PPFIBP1: variants seen among roughly 807,000 people sequenced by gnomAD.
PPFIBP1 encodes PPFIB scaffold protein 1, also known as liprin-beta-1.
A neutral mutation model predicts 137.8 loss-of-function variants in PPFIBP1; 112 were observed. The ratio of observed to expected loss-of-function variants is 0.81; its 90% CI spans 0.70 to 0.95. PPFIBP1 has a LOEUF of 0.95. Ranked by LOEUF, PPFIBP1 falls within the 40% of genes least tolerant of loss-of-function variation. The pLI is 0.00. For synonymous variants in PPFIBP1, 378 were observed against 417.3 expected, an observed-to-expected ratio of 0.91 and a Z score of 1.15; for missense variants, 1,083 against 1,196.6, an observed-to-expected ratio of 0.91 and a Z score of 1.40.
At chr12:27,664,625 A>G (rs1395045586) in intron 12 of PPFIBP1, among the ~76,000 whole-genome samples, 179 bp downstream of exon 12, 2 of 148,658 alleles carry the variant, frequency 1.3e-5, no homozygotes, top group East Asian at 4.3e-4. Flanking sequence ...CTGAGGAGTG[A>G]GTGTACTGTA....
At chr12:27,554,915 C>G (rs1340950672) in intron 1 of PPFIBP1, among the ~76,000 whole-genome samples, 1 of 151,788 alleles carries the variant, frequency 6.6e-6, no homozygotes, top group East Asian at 1.9e-4. Flanking sequence ...GCTGTGATGT[C>G]CTAGGAAGTT....
chr12:27,682,663 A>G lies in PPFIBP1; in HGVS notation c.2207A>G (p.Glu736Gly). Residue 736 changes from glutamate (E) to glycine (G), a missense_variant, in exon 24 of 30, where the codon GAA becomes GGA. By Grantham distance (98) the Glu-to-Gly change is moderately conservative. Coordinates refer to ENST00000228425, the MANE Select transcript of PPFIBP1 (RefSeq NM_003622.4). ...GLPQYKTQFD[E>G]GRVDGRMLHY... ...CCTCAATATAAGACCCAGTTTGATG[A>G]AGGACGGGTTGATGGTCGAATGCTA... The G allele has an allele frequency of 6.2e-7, 1 of 1,614,164 alleles. No homozygotes were observed. The highest frequency in any genetic ancestry group is 8.5e-7 in the Non-Finnish European group (1 of 1,180,014).
At chr12:27,627,747 T>TTTG (rs1376694175) in intron 2 of PPFIBP1, among the ~76,000 whole-genome samples, 4 of 152,014 alleles carry the variant, frequency 2.6e-5, no homozygotes, top group African/African-American at 4.8e-5. Flanking sequence ...TTTTACCCCA[T>TTTG]TCAAATCTGC....
At chr12:27,649,097 AC>A (rs2058719408) in intron 6 of PPFIBP1, among the ~76,000 whole-genome samples, 1 of 152,214 alleles carries the variant, frequency 6.6e-6, no homozygotes, top group African/African-American at 2.4e-5. Context: ...CAAAACATAT[AC>A]CCCATAAATG....
intron 2 of PPFIBP1, among the ~76,000 whole-genome samples, chr12:27,586,387 A>G (rs1413264351): frequency 6.6e-6 from 1 of 152,190 alleles, no homozygotes; most frequent in Admixed American, 6.5e-5. Flanking sequence ...TAAGAGATGC[A>G]TGCTTAAAAA....
chr12:27,658,670 C>A, intron 9 of PPFIBP1, 146 bp from the exon 10 acceptor site: 1 of 757,166 alleles, frequency 1.3e-6, no homozygotes, highest in Non-Finnish European at 2.2e-6. Flanking sequence ...ACCAATCCTG[C>A]AGTCACAAAA....
chr12:27,615,718 A>ATAAC (rs995136319), intron 2 of PPFIBP1, among the ~76,000 whole-genome samples: 31 of 152,226 alleles, frequency 2.0e-4, no homozygotes, highest in Non-Finnish European at 4.3e-4. Flanking sequence ...GTAACATCTC[A>ATAAC]TAACTCCCAG....
intron 10 of PPFIBP1, among the ~76,000 whole-genome samples, chr12:27,659,933 A>G (rs1205703308): frequency 1.3e-5 from 2 of 152,120 alleles, no homozygotes; most frequent in Non-Finnish European, 2.9e-5. Context: ...ACAGAGGAAG[A>G]TGCTGTCTCT....
At chr12:27,660,545 C>G (rs1386547982) in intron 10 of PPFIBP1, among the ~76,000 whole-genome samples, 1 of 152,120 alleles carries the variant, frequency 6.6e-6, no homozygotes, top group Admixed American at 6.5e-5. Flanking sequence ...TTTATAGATT[C>G]CTGTTTTAGA....
chr12:27,562,720 A>G (rs1441982047), intron 1 of PPFIBP1, among the ~76,000 whole-genome samples: 1 of 152,146 alleles, frequency 6.6e-6, no homozygotes. Context: ...ACTGGGTTTA[A>G]TTCTGATTCT....
intron 2 of PPFIBP1, among the ~76,000 whole-genome samples, chr12:27,605,991 G>C (rs138413968): frequency 1.3e-5 from 2 of 152,196 alleles, no homozygotes; most frequent in Admixed American, 1.3e-4. Flanking sequence ...CTTCATGGGG[G>C]TGTGGGTGTA....
chr12:27,631,850 G>A (rs964761695), intron 2 of PPFIBP1, among the ~76,000 whole-genome samples: 1 of 152,142 alleles, frequency 6.6e-6, no homozygotes, highest in Non-Finnish European at 1.5e-5. Context: ...GCATTACTTT[G>A]TGTTATTGGT....
intron 1 of PPFIBP1, among the ~76,000 whole-genome samples, chr12:27,571,944 A>T (rs1565791752): frequency 6.6e-6 from 1 of 152,196 alleles, no homozygotes; most frequent in Non-Finnish European, 1.5e-5. Context: ...AAAAGATAGA[A>T]CATATTTCAG....
At chr12:27,637,800 C>T (rs1383487444) in intron 4 of PPFIBP1, among the ~76,000 whole-genome samples, 2 of 152,040 alleles carry the variant, frequency 1.3e-5, no homozygotes, top group Non-Finnish European at 2.9e-5. Context: ...CAACTTGGGC[C>T]AGCATTGGGA....
intron 2 of PPFIBP1, chr12:27,592,316 A>T (rs2052616966): frequency 1.8e-6 from 1 of 566,000 alleles, no homozygotes; most frequent in Non-Finnish European, 3.0e-6. Context: ...AATGTGAGTC[A>T]AGATGGTGTG....
At chr12:27,689,358 GAA>G (rs571963810) in intron 27 of PPFIBP1, among the ~76,000 whole-genome samples, 155 bp downstream of exon 27, 120 of 152,164 alleles carry the variant, frequency 7.9e-4, no homozygotes, top group African/African-American at 2.7e-3. Flanking sequence ...TGTCTTGGGA[GAA>G]AGATGTTGGC....
At position 27,591,270 on chromosome 12, in the gene PPFIBP1, G is replaced by A. The variant is rs545959293; in HGVS notation, c.-36+13031G>A. On this transcript the variant is annotated intron_variant, in intron 2 of 29. Coordinates refer to ENST00000228425, the MANE Select transcript of PPFIBP1 (RefSeq NM_003622.4). The stretch of plus-strand genomic sequence containing the variant: ...CACATAAACTCTGAAGGTCACACAG[G>A]ATGGTAGTGCCAGCAGAAGAAGGAG... Among the ~76,000 whole-genome samples, 3 of 152,160 alleles carry A rather than the reference G, an allele frequency of 2.0e-5. No homozygotes were observed. The South Asian group carries it at 6.3e-4, about 32-fold the overall frequency.
Position 27,692,634 on chromosome 12 carries a change from C to G in PPFIBP1, c.2909C>G (p.Ser970Cys). The change falls in exon 29 of 30, where the codon TCT becomes TGT. Residue 970 changes from serine to cysteine, a missense_variant. Physicochemically the swap from Ser to Cys is moderately radical, Grantham distance 112. Coordinates refer to ENST00000228425, the MANE Select transcript of PPFIBP1 (RefSeq NM_003622.4). ...EGTVRQIGAF[S>C]EGINNLTHML... ...ACAGTGAGACAGATAGGTGCATTCTCTGAAGGCATCAACAATCTGACGGTG... is the reference window on the plus strand; with the variant it reads ...ACAGTGAGACAGATAGGTGCATTCTGTGAAGGCATCAACAATCTGACGGTG... 3.1e-6 allele frequency: 5 copies of G among 1,614,094 alleles called. No individual in the cohort carries two copies. The highest frequency in any genetic ancestry group is 4.2e-6 in the Non-Finnish European group (5 of 1,179,970).
intron 27 of PPFIBP1, 128 bp downstream of exon 27, chr12:27,689,331 A>G: frequency 1.3e-6 from 1 of 748,742 alleles, no homozygotes; most frequent in Non-Finnish European, 2.0e-6. Flanking sequence ...CAGATGCAGG[A>G]ATCCTCAGCG....
Sources: gnomAD v4.1 joint callset for allele counts (sites outside exome capture counted in the v4.1 genomes callset) on GRCh38, gnomAD v4.1.1 for gene constraint, MANE v1.5 for transcripts, NCBI Gene and HGNC (gene_info 2026-07-23, HGNC 2026-07-21) for gene names.